Variants in ARHGEF3 observed in about 807,000 individuals in gnomAD.
ARHGEF3 encodes Rho guanine nucleotide exchange factor 3, also known as 59.8 kDA protein.
Under a neutral mutation model 63.2 loss-of-function variants are expected in ARHGEF3, and 28 were observed. The observed-to-expected ratio is 0.44, with a 90% CI of 0.33 to 0.61. ARHGEF3 has a LOEUF of 0.61. ARHGEF3 is among the 20% of genes least tolerant of loss of function. The pLI, the probability that ARHGEF3 is intolerant of heterozygous loss-of-function variation, is 0.03. For synonymous variants in ARHGEF3, 266 were observed against 254.2 expected (o/e 1.05, Z -0.44); for missense variants, 533 against 659.3 (o/e 0.81, Z 2.10).
At chr3:57,056,940 C>A (rs1704966661) in intron 1 of ARHGEF3, among the ~76,000 whole-genome samples, 1 of 151,984 alleles carries the variant, frequency 6.6e-6, no homozygotes, top group East Asian at 1.9e-4. Context: ...TCTATACACA[C>A]ACACACACCC....
At chr3:56,803,485 A>AAAAAG (rs139819365), upstream of ARHGEF3, among the ~76,000 whole-genome samples, 120 of 151,652 alleles carry the variant, frequency 7.9e-4, no homozygotes, top group Non-Finnish European at 1.1e-3. Context: ...GGAAGAAAGG[A>AAAAAG]AAAAGAAAAG....
rs766381376 is a variant in ARHGEF3 at position 56,751,010 on chromosome 3, A to G, written c.612+46T>C. On this transcript the variant is annotated intron_variant, in intron 6 of 9. Transcript: ENST00000296315. ...TCTAGCTAAAATGAAACTCCCATCT[A>G]TATTATTGAAATTTATCTTCAATAA... 103 of 1,443,544 alleles carry G rather than the reference A, an allele frequency of 7.1e-5. 1 individual carries two copies. The South Asian group carries it at 1.3e-3, about 19-fold the overall frequency. The allele number at this position is 1,443,544 out of a possible 1,614,324, so 89.4% of individuals were successfully genotyped here.
chr3:56,895,359 C>T (rs902188427), intron 3 of ARHGEF3, among the ~76,000 whole-genome samples: 10 of 152,146 alleles, frequency 6.6e-5, no homozygotes, highest in Admixed American at 1.3e-4. Context: ...GGGCCTTTGT[C>T]ATAGAAATGG....
At chr3:56,738,190 C>A (rs1396642989) in intron 7 of ARHGEF3, among the ~76,000 whole-genome samples, 1 of 152,160 alleles carries the variant, frequency 6.6e-6, no homozygotes, top group Non-Finnish European at 1.5e-5. Flanking sequence ...ACTACAGGCA[C>A]CACCACGCCC....
Position 56,842,104 on chromosome 3 carries a change from G to A in ARHGEF3, c.192+40188C>T, listed in dbSNP as rs569015615. Among the ~76,000 whole-genome samples the A allele has an allele frequency of 5.9e-4, 90 of 152,166 alleles. No homozygotes were observed. The South Asian group carries it at 0.014, about 24-fold the overall frequency. On this transcript the variant is annotated intron_variant, in intron 4 of 12. Transcript: ENST00000338458. ...TGAAGGCTAAGAAGGTTAAGTTCTC[G>A]GTTACCAAGTTAGTTATGGAGGCAA...
At chr3:56,802,208 C>G (rs2037696867), upstream of ARHGEF3, among the ~76,000 whole-genome samples, 1 of 152,204 alleles carries the variant, frequency 6.6e-6, no homozygotes, top group Non-Finnish European at 1.5e-5. Context: ...ATGATAGCTC[C>G]TTTCGGGCTC....
In ARHGEF3 at chr3:56,991,364, G is replaced by GA. The variant is rs199974493; in HGVS notation, c.63-32476dup. Among the ~76,000 whole-genome samples the GA allele has an allele frequency of 2.0e-3, 301 of 150,118 alleles. 1 individual carries two copies. The highest frequency in any genetic ancestry group is 6.8e-3 in the Middle Eastern group (2 of 292). On this transcript the variant is annotated intron_variant, in intron 2 of 12. Transcript: ENST00000338458. The stretch of plus-strand genomic sequence containing the variant: ...TCAAGATAGAATGCTGTTAAAAAAA[G>GA]AAAAAAAAACTGTCCCAAACTTGGA...
At chr3:56,769,065 T>C (rs1464364448) in intron 2 of ARHGEF3, among the ~76,000 whole-genome samples, 1 of 152,254 alleles carries the variant, frequency 6.6e-6, no homozygotes, top group Non-Finnish European at 1.5e-5. Flanking sequence ...CTATACATGT[T>C]CTTTTTCTCT....
At chr3:56,795,934 C>T (rs951112938) in intron 1 of ARHGEF3, among the ~76,000 whole-genome samples, 1 of 151,254 alleles carries the variant, frequency 6.6e-6, no homozygotes, top group African/African-American at 2.4e-5. Flanking sequence ...CCACACTGGG[C>T]ATGACACAGC....
At position 56,737,245 on chromosome 3, in the gene ARHGEF3, G is replaced by A. The variant is rs758013709; in HGVS notation, c.981C>T (p.Ser327=). The part of the protein sequence containing the change: ...LLYLEEGQKD[S]LIDSSRVLCC... ...ACAAGACTCGAGAGCTGTCGATCAG[G>A]GAGTCTTTCTGGCCTTCTTCCAAGT... The change falls in exon 8 of 10, where the codon TCC becomes TCT. Residue 327 remains serine (S), a synonymous_variant. Coordinates refer to ENST00000296315, the MANE Select transcript of ARHGEF3 (RefSeq NM_019555.3). 3.1e-6 allele frequency: 5 copies of A among 1,613,886 alleles called. No homozygotes were observed. Among genetic ancestry groups the A allele is most frequent in the East Asian group, 2.2e-5 (1 of 44,894 alleles).
In ARHGEF3 at chr3:56,909,982, C is replaced by T. The variant is rs372777719; in HGVS notation, c.130-27628G>A. ...TTGCTCCACAAGAGAAGAATATATA[C>T]GTGAGTAGTACTGTCCAGAATGAAC... is the stretch of plus-strand genomic sequence containing the variant. On this transcript the variant is annotated intron_variant, in intron 3 of 12. Coordinates refer to the ARHGEF3 transcript ENST00000338458. Among the ~76,000 whole-genome samples, 10 of 152,286 alleles carry T rather than the reference C, an allele frequency of 6.6e-5. 1 individual carries two copies. Among genetic ancestry groups the T allele is most frequent in the East Asian group, 3.9e-4 (2 of 5,176 alleles).
intron 3 of ARHGEF3, among the ~76,000 whole-genome samples, chr3:56,929,194 CCTGA>C (rs1289475096): frequency 2.6e-5 from 4 of 152,122 alleles, no homozygotes; most frequent in Non-Finnish European, 4.4e-5. Context: ...AGTTTTTAAC[CCTGA>C]CTGTGGCCTC....
chr3:56,951,525 A>G lies in ARHGEF3; in HGVS notation c.129+7298T>C, dbSNP rs571758684. Among the ~76,000 whole-genome samples the G allele has an allele frequency of 2.0e-4, 30 of 152,204 alleles. No homozygotes were observed. In the South Asian group the frequency reaches 6.2e-3, roughly 31 times the overall value. ...CACTGGGAAACCAAAACATCCATGT[A>G]ACTCACTTTATTGCCCTATTGACTT... On this transcript the variant is annotated intron_variant, in intron 3 of 12. Transcript: ENST00000338458.
chr3:57,042,669 TATATATATATATATATATATATATATATA>T (rs1704244171), intron 1 of ARHGEF3, among the ~76,000 whole-genome samples: 1 of 14,288 alleles, frequency 7.0e-5, no homozygotes, highest in Non-Finnish European at 1.2e-4. Context: ...TATATATATA[TATATATATATATATATATATATATATATA>T]TATTTTTTTT....
chr3:56,760,621 A>G (rs1389432412), intron 2 of ARHGEF3, among the ~76,000 whole-genome samples: 1 of 152,122 alleles, frequency 6.6e-6, no homozygotes, highest in Non-Finnish European at 1.5e-5. Context: ...GTTTATTCCC[A>G]TTCTACTGAG....
intron 1 of ARHGEF3, among the ~76,000 whole-genome samples, chr3:56,782,211 T>G (rs1447221265): frequency 2.6e-5 from 4 of 152,234 alleles, no homozygotes; most frequent in African/African-American, 9.6e-5. Context: ...ACTGACCTGG[T>G]GTCATCTGTT....
At chr3:57,015,849 T>G (rs1560135825) in intron 2 of ARHGEF3, among the ~76,000 whole-genome samples, 1 of 152,126 alleles carries the variant, frequency 6.6e-6, no homozygotes, top group Non-Finnish European at 1.5e-5. Context: ...CCTTGTTACA[T>G]TTTCAAGACC....
At chr3:56,990,640 CTTTA>C (rs1216630930) in intron 2 of ARHGEF3, among the ~76,000 whole-genome samples, 1 of 152,156 alleles carries the variant, frequency 6.6e-6, no homozygotes, top group Admixed American at 6.5e-5. Flanking sequence ...AAAGAACTGC[CTTTA>C]TTGTTAGCTA....
chr3:57,005,781 C>A (rs1158628458), intron 2 of ARHGEF3, among the ~76,000 whole-genome samples: 7 of 152,176 alleles, frequency 4.6e-5, no homozygotes, highest in Admixed American at 4.6e-4. Flanking sequence ...TTGCTGGGCA[C>A]CCGGCAGAGG....
Sources: gnomAD v4.1 joint callset for allele counts (sites outside exome capture counted in the v4.1 genomes callset) on GRCh38, gnomAD v4.1.1 for gene constraint, MANE v1.5 for transcripts, NCBI Gene and HGNC (gene_info 2026-07-23, HGNC 2026-07-21) for gene names.